ODAM: variants seen among roughly 807,000 people sequenced by gnomAD.
ODAM encodes the protein odontogenic ameloblast-associated protein.
Under a neutral mutation model 48.5 loss-of-function variants are expected in ODAM, and 55 were observed. That is an observed-to-expected ratio of 1.13 (90% CI 0.91 to 1.42). The LOEUF (loss-of-function observed/expected upper bound fraction) is 1.42, where lower values mean the gene tolerates loss of function less well. Among genes scored for constraint, ODAM ranks in the 40% most tolerant of loss-of-function variants. The pLI, the probability that ODAM is intolerant of heterozygous loss-of-function variation, is 0.00. For missense variants in ODAM, 353 were observed against 323.6 expected (o/e 1.09, Z -0.70); for synonymous variants, 127 against 107.8 (o/e 1.18, Z -1.10).
At position 70,202,655 on chromosome 4, in the gene ODAM, A is replaced by G. The variant is rs1045344642; in HGVS notation, c.649-101A>G. The G allele has an allele frequency of 3.9e-5, 32 of 821,964 alleles. 1 individual carries two copies. In the South Asian group the frequency reaches 6.0e-4, roughly 15 times the overall value. 50.9% of individuals were successfully genotyped at this position (821,964 alleles called of 1,614,324 possible). On this transcript the variant is annotated intron_variant, in intron 9 of 11. Coordinates refer to ENST00000683306, the MANE Select transcript of ODAM (RefSeq NM_017855.4). ...TAATAGCAACTCTTTTTTTAATATA[A>G]TGCTTTTGTTACATCTCAATCCTGT...
intron 6 of ODAM, chr4:70,200,191 A>G: frequency 2.5e-6 from 1 of 403,074 alleles, no homozygotes. Flanking sequence ...GTATTTGCAA[A>G]GTAATTTGTA....
At chr4:70,198,888 G>T (rs1192172850) in intron 6 of ODAM, among the ~76,000 whole-genome samples, 1 of 152,022 alleles carries the variant, frequency 6.6e-6, no homozygotes, top group Non-Finnish European at 1.5e-5. Flanking sequence ...AAAGAGCTCA[G>T]TAAGCCCCAG....
chr4:70,198,004 G>A lies in ODAM; in HGVS notation c.222G>A (p.Gln74=). The change falls in exon 5 of 12, where the codon CAG becomes CAA. Residue 74 remains glutamine, a synonymous_variant. Transcript: ENST00000683306. ...QQQAQIPGLS[Q]FSLSALDQFA... is the part of the protein sequence containing the mutation. ...AGGCTCAAATTCCAGGACTCTCCCA[G>A]TTCTCTTTATCAGCTCTAGACCAGT... 3.7e-6 allele frequency: 6 copies of A among 1,613,332 alleles called. No individual in the cohort carries two copies. Among genetic ancestry groups the A allele is most frequent in the Non-Finnish European group, 5.1e-6 (6 of 1,179,566 alleles).
chr4:70,196,716 G>A lies in ODAM; in HGVS notation c.76G>A (p.Ala26Thr). ...APLIPQRLMSASNSNELLLNL... is the reference protein window; with the variant it reads ...APLIPQRLMSTSNSNELLLNL... ...GCTTATCCCACAGCGTCTCATGTCT[G>A]CCAGCAATAGCAATGAGGTTAGTTT... Residue 26 changes from alanine (A) to threonine (T), a missense_variant, in exon 3 of 12, where the codon GCC becomes ACC. Transcript: ENST00000683306. 6.2e-7 allele frequency: 1 copy of A among 1,603,592 alleles called. No individual in the cohort carries two copies. Among genetic ancestry groups the A allele is most frequent in the Non-Finnish European group, 8.5e-7 (1 of 1,174,644 alleles).
intron 8 of ODAM, 50 bp downstream of exon 8, chr4:70,201,551 C>T (rs1729494557): frequency 2.0e-6 from 2 of 979,126 alleles, no homozygotes; most frequent in Non-Finnish European, 3.2e-6. Context: ...CTACTTCCTT[C>T]ATTGTCTACT....
At chr4:70,197,222 A>T in intron 3 of ODAM, 52 bp from the exon 4 acceptor site, 1 of 841,704 alleles carries the variant, frequency 1.2e-6, no homozygotes. Context: ...CATTGTTCCT[A>T]CTCATTTTAG....
At chr4:70,196,065 A>T (rs947958818) in intron 1 of ODAM, among the ~76,000 whole-genome samples, 1 of 152,144 alleles carries the variant, frequency 6.6e-6, no homozygotes, top group East Asian at 1.9e-4. Context: ...TTAGACTACT[A>T]AGTGGAAATT....
In ODAM at chr4:70,202,302, A is replaced by G. The variant is rs1431878840; in HGVS notation, c.621A>G (p.Leu207=). 1 of 1,611,934 alleles carries G rather than the reference A, an allele frequency of 6.2e-7. No homozygotes were observed. The highest frequency in any genetic ancestry group is 2.2e-5 in the East Asian group (1 of 44,752). ...GQQQLAFDPQ[L]GTAPEIAVMS... ...AGCAACTAGCTTTTGATCCCCAACT[A>G]GGCACAGCTCCTGAAATTGCTGTGA... The change falls in exon 9 of 12, where the codon CTA becomes CTG. Residue 207 remains leucine, a synonymous_variant. Transcript: ENST00000683306.
chr4:70,202,626 CTAA>C (rs1729524383), intron 9 of ODAM, 127 bp from the exon 10 acceptor site: 1 of 662,452 alleles, frequency 1.5e-6, no homozygotes, highest in Non-Finnish European at 2.5e-6. Flanking sequence ...TCTAAAAATA[CTAA>C]TAATAGCAAC....
intron 9 of ODAM, 45 bp downstream of exon 9, chr4:70,202,374 T>C: frequency 7.1e-7 from 1 of 1,417,384 alleles, no homozygotes. Flanking sequence ...AAATCAACAA[T>C]TGACAACTTA....
intron 4 of ODAM, 27 bp downstream of exon 4, chr4:70,197,348 TG>T (rs1426819341): frequency 1.6e-6 from 2 of 1,218,762 alleles, no homozygotes; most frequent in South Asian, 1.2e-5. Context: ...AATTACTTTA[TG>T]GGGAATATTT....
rs2109820609 is a variant in ODAM at position 70,202,481 on chromosome 4, G to A, written c.648+152G>A. 8.3e-6 allele frequency: 6 copies of A among 726,414 alleles called. 1 individual carries two copies. In the East Asian group the frequency reaches 1.6e-4, roughly 20 times the overall value. The allele number at this position is 726,414 out of a possible 1,614,324, so 45.0% of individuals were successfully genotyped here. ...ACAATATTTTGCCAGTAAAGATTCA[G>A]TTCACTCTTACTCAGTTCATCAGTA... On this transcript the variant is annotated intron_variant, in intron 9 of 11. Coordinates refer to ENST00000683306, the MANE Select transcript of ODAM (RefSeq NM_017855.4).
At chr4:70,198,821 A>G (rs1228008317) in intron 6 of ODAM, among the ~76,000 whole-genome samples, 195 bp downstream of exon 6, 1 of 152,036 alleles carries the variant, frequency 6.6e-6, no homozygotes, top group African/African-American at 2.4e-5. Context: ...AAGGACAGGC[A>G]GCTAAGTAGA....
intron 6 of ODAM, chr4:70,200,113 C>G (rs1178785996): frequency 4.5e-6 from 2 of 446,616 alleles, no homozygotes; most frequent in Admixed American, 4.9e-5. Context: ...ACATCTAATA[C>G]CACATTCTGC....
intron 7 of ODAM, 96 bp from the exon 8 acceptor site, chr4:70,201,358 T>A (rs1251911563): frequency 1.7e-6 from 1 of 605,146 alleles, no homozygotes; most frequent in Non-Finnish European, 2.9e-6. Context: ...TTTTAACTTA[T>A]ATAAAAAGAT....
At chr4:70,202,360 C>G in intron 9 of ODAM, 31 bp downstream of exon 9, 1 of 1,542,392 alleles carries the variant, frequency 6.5e-7, no homozygotes, top group Non-Finnish European at 9.0e-7. Flanking sequence ...TTGCCAGCTA[C>G]TGGAAATCAA....
chr4:70,198,858 G>A (rs1404469083), intron 6 of ODAM, among the ~76,000 whole-genome samples: 1 of 151,976 alleles, frequency 6.6e-6, no homozygotes, highest in African/African-American at 2.4e-5. Flanking sequence ...AATTTCCAGG[G>A]CATTGCTATG....
chr4:70,202,412 C>A, intron 9 of ODAM, 83 bp downstream of exon 9: 1 of 1,099,740 alleles, frequency 9.1e-7, no homozygotes, highest in Non-Finnish European at 1.4e-6. Flanking sequence ...TTAATATCAA[C>A]TCTGTTGTAA....
At chr4:70,202,633 T>C in intron 9 of ODAM, 123 bp from the exon 10 acceptor site, 2 of 686,960 alleles carry the variant, frequency 2.9e-6, no homozygotes, top group Non-Finnish European at 2.4e-6. Flanking sequence ...ATACTAATAA[T>C]AGCAACTCTT....
Sources: allele counts gnomAD v4.1 joint callset (sites outside exome capture counted in the v4.1 genomes callset), GRCh38; gene constraint gnomAD v4.1.1; transcripts MANE v1.5; gene names NCBI Gene and HGNC (gene_info 2026-07-23, HGNC 2026-07-21).